The following SLC8A1 variants were observed in gnomAD, a reference collection of about 807,000 sequenced individuals.
The protein encoded by SLC8A1 is sodium/calcium exchanger 1.
Under a neutral mutation model 68.3 loss-of-function variants are expected in SLC8A1, and 18 were observed. The observed-to-expected ratio is 0.26, with a 90% CI of 0.18 to 0.39. SLC8A1 has a LOEUF of 0.39. Among genes scored for constraint, SLC8A1 ranks in the 10% least tolerant of loss-of-function variants. The probability of loss-of-function intolerance (pLI) is 1.00; values close to 1 mark genes in which losing one functional copy is unlikely to be tolerated. For missense variants in SLC8A1, 985 were observed against 1,156.7 expected, an observed-to-expected ratio of 0.85 and a Z score of 2.15; for synonymous variants, 475 against 415.5, an observed-to-expected ratio of 1.14 and a Z score of -1.74.
intron 2 of SLC8A1, among the ~76,000 whole-genome samples, chr2:40,404,653 G>C (rs547694680): frequency 1.3e-5 from 2 of 152,262 alleles, no homozygotes; most frequent in African/African-American, 4.8e-5. Flanking sequence ...GTCTGACTTA[G>C]GGTGCCATTT....
intron 2 of SLC8A1, among the ~76,000 whole-genome samples, chr2:40,396,684 T>C (rs1020000013): frequency 6.9e-6 from 1 of 145,260 alleles, no homozygotes; most frequent in African/African-American, 2.6e-5. Context: ...AAAAGATTAC[T>C]AGTCTAAGTG....
intron 6 of SLC8A1, among the ~76,000 whole-genome samples, chr2:40,157,388 T>G (rs929399037): frequency 4.6e-5 from 7 of 152,132 alleles, no homozygotes; most frequent in African/African-American, 1.7e-4. Flanking sequence ...CAGGGAGGTT[T>G]TGGAAGGCAG....
chr2:40,280,888 C>G (rs1241419844), intron 2 of SLC8A1, among the ~76,000 whole-genome samples: 1 of 152,190 alleles, frequency 6.6e-6, no homozygotes, highest in Non-Finnish European at 1.5e-5. Flanking sequence ...CTTCAGTTCT[C>G]TCAAATAGAA....
At chr2:40,511,940 T>C (rs1429178828) in intron 1 of SLC8A1, among the ~76,000 whole-genome samples, 2 of 152,152 alleles carry the variant, frequency 1.3e-5, no homozygotes, top group Admixed American at 6.6e-5. Flanking sequence ...GAGTTTTTGC[T>C]GGCTTGAGAA....
At chr2:40,193,768 G>A (rs1333444020) in intron 2 of SLC8A1, among the ~76,000 whole-genome samples, 2 of 152,072 alleles carry the variant, frequency 1.3e-5, no homozygotes, top group African/African-American at 4.8e-5. Flanking sequence ...GAGGGGGCAG[G>A]GAAGCAGATG....
chr2:40,299,623 A>G (rs2071057496), intron 2 of SLC8A1, among the ~76,000 whole-genome samples: 1 of 152,200 alleles, frequency 6.6e-6, no homozygotes, highest in South Asian at 2.1e-4. Flanking sequence ...GTGATGATCC[A>G]GGAATCTGGG....
At chr2:40,252,855 TACA>T in intron 2 of SLC8A1, among the ~76,000 whole-genome samples, 1 of 137,048 alleles carries the variant, frequency 7.3e-6, no homozygotes, top group Non-Finnish European at 1.6e-5. Flanking sequence ...TATGTATATA[TACA>T]CATTTGATTC....
At chr2:40,226,677 G>A (rs1260044150) in intron 2 of SLC8A1, among the ~76,000 whole-genome samples, 2 of 152,144 alleles carry the variant, frequency 1.3e-5, no homozygotes, top group Non-Finnish European at 2.9e-5. Context: ...TTCCTTCAGA[G>A]ATGAAGTGGA....
chr2:40,242,585 A>G (rs2061362682), intron 2 of SLC8A1, among the ~76,000 whole-genome samples: 1 of 152,202 alleles, frequency 6.6e-6, no homozygotes, highest in African/African-American at 2.4e-5. Context: ...CTTGAATGTC[A>G]AAGGTCTACA....
upstream of SLC8A1, among the ~76,000 whole-genome samples, chr2:40,456,134 G>A (rs998902191): frequency 3.3e-5 from 5 of 152,016 alleles, no homozygotes; most frequent in East Asian, 1.9e-4. Flanking sequence ...GGCTAACATG[G>A]TGAAATCCCG....
At chr2:40,327,767 G>A (rs185307136) in intron 2 of SLC8A1, among the ~76,000 whole-genome samples, 2 of 152,100 alleles carry the variant, frequency 1.3e-5, no homozygotes, top group Admixed American at 1.3e-4. Context: ...AGGAGGGAGG[G>A]AGAAAAGGGC....
At chr2:40,296,320 C>T (rs1185182958) in intron 2 of SLC8A1, among the ~76,000 whole-genome samples, 2 of 152,142 alleles carry the variant, frequency 1.3e-5, no homozygotes, top group Non-Finnish European at 2.9e-5. Context: ...TTTCCTTCTT[C>T]TGAGCAACTT....
At chr2:40,409,101 G>C (rs1194433248) in intron 2 of SLC8A1, among the ~76,000 whole-genome samples, 1 of 152,040 alleles carries the variant, frequency 6.6e-6, no homozygotes, top group Non-Finnish European at 1.5e-5. Context: ...TTTTTCTGTA[G>C]TCATTTACAT....
intron 2 of SLC8A1, among the ~76,000 whole-genome samples, chr2:40,383,243 G>A (rs1682479005): frequency 6.6e-6 from 1 of 152,012 alleles, no homozygotes; most frequent in Non-Finnish European, 1.5e-5. Flanking sequence ...AATTTGGAGA[G>A]GCTATTGTTT....
intron 2 of SLC8A1, among the ~76,000 whole-genome samples, chr2:40,215,802 C>T (rs1048613968): frequency 2.0e-5 from 3 of 151,916 alleles, no homozygotes; most frequent in African/African-American, 7.3e-5. Context: ...ATGTTAGCTA[C>T]TATTATTATT....
At chr2:40,333,301 G>T (rs1368257165) in intron 2 of SLC8A1, among the ~76,000 whole-genome samples, 1 of 152,014 alleles carries the variant, frequency 6.6e-6, no homozygotes, top group Non-Finnish European at 1.5e-5. Context: ...TGCCAGGTGT[G>T]GTGGCATGTG....
At position 40,164,997 on chromosome 2, in the gene SLC8A1, A is replaced by G. The variant is rs752993998; in HGVS notation, c.1931-13T>C. 5.6e-6 allele frequency: 9 copies of G among 1,613,364 alleles called. No individual in the cohort carries two copies. Among genetic ancestry groups the G allele is most frequent in the East Asian group, 2.2e-5 (1 of 44,866 alleles). On this transcript the variant is annotated splice_polypyrimidine_tract_variant and intron_variant, in intron 4 of 7. Coordinates refer to ENST00000406785, the Ensembl canonical transcript of SLC8A1. Reference sequence around the variant, plus strand: ...TCATCATATTCGTCTGTGAAACGGAAGTATCAGAGAGTGAGCACTGTGTTC... The same window carrying G: ...TCATCATATTCGTCTGTGAAACGGAGGTATCAGAGAGTGAGCACTGTGTTC...
chr2:40,248,552 A>G (rs901971820), intron 2 of SLC8A1, among the ~76,000 whole-genome samples: 14 of 152,210 alleles, frequency 9.2e-5, no homozygotes, highest in Admixed American at 6.5e-4. Flanking sequence ...ACTGTGGGAA[A>G]TACATTTCTG....
At chr2:40,395,089 C>G (rs1214236548) in intron 2 of SLC8A1, among the ~76,000 whole-genome samples, 1 of 152,158 alleles carries the variant, frequency 6.6e-6, no homozygotes. Context: ...ACTAACTAGA[C>G]AGTGCTCTTT....
Sources: gnomAD v4.1 joint callset for allele counts (sites outside exome capture counted in the v4.1 genomes callset) on GRCh38, gnomAD v4.1.1 for gene constraint, MANE v1.5 for transcripts, NCBI Gene and HGNC (gene_info 2026-07-23, HGNC 2026-07-21) for gene names.